Variants in SNRNP40 observed in about 807,000 individuals in gnomAD.
SNRNP40 encodes small nuclear ribonucleoprotein U5 subunit 40, also known as U5 small nuclear ribonucleoprotein 40 kDa protein.
In SNRNP40, 21 loss-of-function variants were observed where a neutral mutation model predicts 45.8. The ratio of observed to expected loss-of-function variants is 0.46; its 90% CI spans 0.32 to 0.66. The LOEUF is 0.66. Ranked by LOEUF, SNRNP40 falls within the 30% of genes least tolerant of loss-of-function variation. The pLI, the probability that SNRNP40 is intolerant of heterozygous loss-of-function variation, is 0.03. For synonymous variants in SNRNP40, 142 were observed against 163.8 expected, an observed-to-expected ratio of 0.87 and a Z score of 1.01; for missense variants, 344 against 439.1, an observed-to-expected ratio of 0.78 and a Z score of 1.94.
chr1:31,296,558 C>A, intron 1 of SNRNP40, 53 bp downstream of exon 1: 4 of 1,563,068 alleles, frequency 2.6e-6, no homozygotes, highest in South Asian at 1.2e-5. Context: ...ATACAGCGCT[C>A]TGAGGGGAGG....
At chr1:31,271,650 T>A in intron 5 of SNRNP40, 151 bp from the exon 6 acceptor site, 3 of 718,502 alleles carry the variant, frequency 4.2e-6, no homozygotes, top group Admixed American at 7.6e-5. Context: ...CACCTTTTTT[T>A]AATTTTCATT....
chr1:31,272,423 T>C (rs1645945025), intron 5 of SNRNP40, among the ~76,000 whole-genome samples: 1 of 152,234 alleles, frequency 6.6e-6, no homozygotes, highest in African/African-American at 2.4e-5. Flanking sequence ...TATTAAATTA[T>C]GGTTCATAAG....
At position 31,293,443 on chromosome 1, in the gene SNRNP40, C is replaced by G. The variant is rs888360703; in HGVS notation, c.142-95G>C. 2.4e-6 allele frequency: 3 copies of G among 1,274,494 alleles called. No homozygotes were observed. In the Admixed American group the frequency reaches 8.6e-5, roughly 37 times the overall value. The allele number at this position is 1,274,494 out of a possible 1,614,324, so 78.9% of individuals were successfully genotyped here. ...GAGTGGAGGGAAAAGACCAAGAAAACAATGATTAAGTGGGTTTCATCTGAC... is the reference window on the plus strand; with the variant it reads ...GAGTGGAGGGAAAAGACCAAGAAAAGAATGATTAAGTGGGTTTCATCTGAC... On this transcript the variant is annotated intron_variant, in intron 1 of 9. Coordinates refer to ENST00000263694, the MANE Select transcript of SNRNP40 (RefSeq NM_004814.3).
intron 3 of SNRNP40, among the ~76,000 whole-genome samples, chr1:31,289,630 A>C (rs1646087964): frequency 6.6e-6 from 1 of 152,150 alleles, no homozygotes; most frequent in Admixed American, 6.6e-5. Flanking sequence ...TACCCCTGTG[A>C]AGTTTAAAAA....
chr1:31,269,352 T>C, intron 6 of SNRNP40, 112 bp from the exon 7 acceptor site: 1 of 1,515,298 alleles, frequency 6.6e-7, no homozygotes, highest in Non-Finnish European at 8.8e-7. Context: ...TGCTGTTTCC[T>C]CGGTGGGCAA....
At chr1:31,277,055 G>T (rs1435718714) in intron 5 of SNRNP40, among the ~76,000 whole-genome samples, 2 of 151,882 alleles carry the variant, frequency 1.3e-5, no homozygotes, top group Non-Finnish European at 2.9e-5. Flanking sequence ...AATTTAGCTG[G>T]GCATAGTGGC....
Position 31,289,231 on chromosome 1 carries a change from GAAC to G in SNRNP40, c.531+20_531+22del, listed in dbSNP as rs1050210528. The G allele has an allele frequency of 6.2e-7, 1 of 1,610,142 alleles. No individual in the cohort carries two copies. The highest frequency in any genetic ancestry group is 1.3e-5 in the African/African-American group (1 of 74,938). On this transcript the variant is annotated intron_variant, in intron 4 of 9. Transcript: ENST00000263694. ...TCACATCACATCACCTCAGAAACTGGAACACGGAGAGACAATACCCACCTTAAC... is the reference window on the plus strand; with the variant it reads ...TCACATCACATCACCTCAGAAACTGGACGGAGAGACAATACCCACCTTAAC...
At chr1:31,280,176 T>G (rs991556387) in intron 5 of SNRNP40, among the ~76,000 whole-genome samples, 3 of 150,800 alleles carry the variant, frequency 2.0e-5, no homozygotes, top group Admixed American at 2.0e-4. Flanking sequence ...CTTTCTTTTT[T>G]TTTTTGGAGA....
intron 3 of SNRNP40, among the ~76,000 whole-genome samples, chr1:31,289,684 G>C (rs192072347): frequency 2.0e-5 from 3 of 152,118 alleles, no homozygotes; most frequent in African/African-American, 7.2e-5. Flanking sequence ...TAATGTAGCA[G>C]TTTGCTCTAT....
At position 31,296,736 on chromosome 1, in the gene SNRNP40, T is replaced by A. The variant is rs1185220369; in HGVS notation, c.16A>T (p.Lys6Ter). 6.2e-7 allele frequency: 1 copy of A among 1,608,650 alleles called. No individual in the cohort carries two copies. The highest frequency in any genetic ancestry group is 8.5e-7 in the Non-Finnish European group (1 of 1,177,860). The change falls in exon 1 of 10, where the codon AAG becomes TAG. Residue 6 changes from lysine (K) to a stop codon, truncating the protein, a stop_gained. Transcript: ENST00000263694. LOFTEE classifies it high-confidence loss of function. MIEQQ[K>*]RKGPELPLVP... is the part of the protein sequence containing the mutation. ...AGCGGCAACTCTGGGCCCTTACGCT[T>A]CTGCTGTTCTATCATGGCGGCAACC...
At position 31,293,941 on chromosome 1, in the gene SNRNP40, A is replaced by G. The variant is rs77015252; in HGVS notation, c.142-593T>C. On this transcript the variant is annotated intron_variant, in intron 1 of 9. Coordinates refer to ENST00000263694, the MANE Select transcript of SNRNP40 (RefSeq NM_004814.3). Reference sequence around the variant, plus strand: ...CTTGGTATGGAGTACTGGGTGAAATAGTTTTGTTTTATTTTTAATTTTTTT... The same window carrying G: ...CTTGGTATGGAGTACTGGGTGAAATGGTTTTGTTTTATTTTTAATTTTTTT... 5.9e-3 allele frequency among the ~76,000 whole-genome samples: 893 copies of G among 151,830 alleles called. 70 individuals carry two copies. The East Asian group carries it at 0.15, about 25-fold the overall frequency.
At chr1:31,261,669 T>TA (rs1553165855) in intron 8 of SNRNP40, 37 bp from the exon 9 acceptor site, 3 of 1,375,302 alleles carry the variant, frequency 2.2e-6, no homozygotes, top group Non-Finnish European at 3.1e-6. Context: ...TAAGTCCTCT[T>TA]AGAGCTGGGG....
At chr1:31,268,591 C>T (rs752686437) in intron 7 of SNRNP40, among the ~76,000 whole-genome samples, 1 of 151,906 alleles carries the variant, frequency 6.6e-6, no homozygotes, top group Non-Finnish European at 1.5e-5. Context: ...TTGATTTATA[C>T]AGTGAAACTG....
rs750901023 is a variant in SNRNP40 at position 31,296,623 on chromosome 1, G to A, written c.129C>T (p.Ala43=). Reference sequence around the variant, plus strand: ...CTTCTTCACTTACCGCTTGCAGCAAGGCTCCCGGCGTCGCCTGCTGCTGCC... The same window carrying A: ...CTTCTTCACTTACCGCTTGCAGCAAAGCTCCCGGCGTCGCCTGCTGCTGCC... ...GAGQQQATPG[A]LLQAGPPRCS... The change falls in exon 1 of 10, where the codon GCC becomes GCT. Residue 43 remains alanine (A), a synonymous_variant. Coordinates refer to ENST00000263694, the MANE Select transcript of SNRNP40 (RefSeq NM_004814.3). 2 of 1,611,414 alleles carry A rather than the reference G, an allele frequency of 1.2e-6. No individual in the cohort carries two copies. Among genetic ancestry groups the A allele is most frequent in the South Asian group, 1.1e-5 (1 of 90,896 alleles).
At chr1:31,263,599 T>C (rs750503209) in intron 8 of SNRNP40, 1 of 464,118 alleles carries the variant, frequency 2.2e-6, no homozygotes, top group South Asian at 1.6e-5. Flanking sequence ...GCAAGTTGAG[T>C]GAACTGCTGA....
At chr1:31,295,890 G>A (rs926965010) in intron 1 of SNRNP40, among the ~76,000 whole-genome samples, 1 of 152,226 alleles carries the variant, frequency 6.6e-6, no homozygotes, top group African/African-American at 2.4e-5. Flanking sequence ...GGTGCCAGCA[G>A]GATTTATTGA....
At chr1:31,295,934 A>G (rs1646149922) in intron 1 of SNRNP40, among the ~76,000 whole-genome samples, 1 of 152,348 alleles carries the variant, frequency 6.6e-6, no homozygotes, top group South Asian at 2.1e-4. Flanking sequence ...TCCTCGTCTG[A>G]GCCTAAACAG....
At chr1:31,260,145 T>C in intron 9 of SNRNP40, 24 bp from the exon 10 acceptor site, 2 of 1,535,022 alleles carry the variant, frequency 1.3e-6, no homozygotes, top group South Asian at 1.2e-5. Flanking sequence ...AACAGATAAC[T>C]AGAAATAATG....
chr1:31,267,342 C>T (rs1645904349), intron 8 of SNRNP40, among the ~76,000 whole-genome samples: 1 of 152,116 alleles, frequency 6.6e-6, no homozygotes, highest in African/African-American at 2.4e-5. Flanking sequence ...CAGAATCAAA[C>T]AAATTGTTGA....
Sources: gnomAD v4.1 joint callset for allele counts (sites outside exome capture counted in the v4.1 genomes callset) on GRCh38, gnomAD v4.1.1 for gene constraint, MANE v1.5 for transcripts, NCBI Gene and HGNC (gene_info 2026-07-23, HGNC 2026-07-21) for gene names.